Variants in CSMD2 observed in about 807,000 individuals in gnomAD.
CSMD2 encodes the protein CUB and Sushi multiple domains 2.
In CSMD2, 130 loss-of-function variants were observed where a neutral mutation model predicts 398.5. The observed-to-expected ratio is 0.33, with a 90% CI of 0.28 to 0.38. The LOEUF (loss-of-function observed/expected upper bound fraction) is 0.38, where lower values mean the gene tolerates loss of function less well. Ranked by LOEUF, CSMD2 falls within the 10% of genes least tolerant of loss-of-function variation. The pLI is 1.00. For missense variants in CSMD2, 3,829 were observed against 4,764.9 expected (o/e 0.80, Z 5.78); for synonymous variants, 1,828 against 1,908.5 (o/e 0.96, Z 1.10).
chr1:33,897,179 A>C (rs1642447603), intron 5 of CSMD2, among the ~76,000 whole-genome samples: 1 of 152,192 alleles, frequency 6.6e-6, no homozygotes, highest in South Asian at 2.1e-4. Flanking sequence ...GGTGAGGAAC[A>C]CCACATGAAG....
intron 6 of CSMD2, among the ~76,000 whole-genome samples, chr1:33,836,830 C>T (rs987646936): frequency 1.3e-5 from 2 of 152,224 alleles, no homozygotes; most frequent in African/African-American, 2.4e-5. Context: ...CCATGCCTCG[C>T]CCTGCTTCGG....
Position 33,515,030 on chromosome 1 carries a change from T to A in CSMD2, c.*1594A>T, listed in dbSNP as rs754167578. On this transcript the variant is annotated 3_prime_UTR_variant, in exon 71 of 71. Transcript: ENST00000373381. ...CAGCATGTCACACGTATACAGGGGCTTAAGCTTGTGGGGGCCTTCCCGAGG... is the reference window on the plus strand; with the variant it reads ...CAGCATGTCACACGTATACAGGGGCATAAGCTTGTGGGGGCCTTCCCGAGG... 5 of 152,248 alleles carry A rather than the reference T, an allele frequency of 3.3e-5. No individual in the cohort carries two copies. Among genetic ancestry groups the A allele is most frequent in the Admixed American group, 6.5e-5 (1 of 15,278 alleles). The allele number at this position is 152,248 out of a possible 1,614,324, so 9.4% of individuals were successfully genotyped here. A position where few individuals can be genotyped will look rare whatever the true frequency, so the allele number is the denominator to read the frequency against.
intron 1 of CSMD2, among the ~76,000 whole-genome samples, chr1:34,103,493 T>A (rs750773424): frequency 2.1e-4 from 32 of 151,810 alleles, no homozygotes; most frequent in Non-Finnish European, 3.8e-4. Flanking sequence ...AGAGACGGGG[T>A]TTCACCGTGT....
chr1:33,581,501 G>A (rs1638711844), intron 47 of CSMD2, among the ~76,000 whole-genome samples: 1 of 122,968 alleles, frequency 8.1e-6, no homozygotes, highest in African/African-American at 3.2e-5. Flanking sequence ...CTGTGCTCCA[G>A]CCTGGGTGAC....
chr1:34,116,409 T>C (rs1661600830), intron 1 of CSMD2, among the ~76,000 whole-genome samples: 1 of 151,898 alleles, frequency 6.6e-6, no homozygotes, highest in South Asian at 2.1e-4. Context: ...GAAGACATTG[T>C]ATAATGAAAA....
chr1:33,653,887 G>C (rs373149556), intron 27 of CSMD2, among the ~76,000 whole-genome samples: 9 of 152,272 alleles, frequency 5.9e-5, no homozygotes, highest in African/African-American at 1.4e-4. Flanking sequence ...GAGTCTTTGT[G>C]GGGGGAGCAA....
At chr1:33,611,013 A>G in intron 41 of CSMD2, 28 bp downstream of exon 41, 1 of 1,602,272 alleles carries the variant, frequency 6.2e-7, no homozygotes, top group Non-Finnish European at 8.5e-7. Flanking sequence ...ATAGACAGAG[A>G]AGCAAAGGCG....
chr1:33,810,915 C>T (rs1232364675), intron 9 of CSMD2, 51 bp from the exon 10 acceptor site: 2 of 1,594,022 alleles, frequency 1.3e-6, no homozygotes, highest in Non-Finnish European at 1.7e-6. Context: ...GGTCCAGTTC[C>T]CCTTCTTGCC....
intron 25 of CSMD2, among the ~76,000 whole-genome samples, chr1:33,692,269 T>C (rs922766903): frequency 2.0e-5 from 3 of 152,226 alleles, no homozygotes; most frequent in African/African-American, 7.2e-5. Context: ...TTTGATGGCA[T>C]ACCTATTTTG....
intron 2 of CSMD2, among the ~76,000 whole-genome samples, chr1:34,068,783 C>T (rs1655397111): frequency 6.6e-6 from 1 of 152,106 alleles, no homozygotes; most frequent in Non-Finnish European, 1.5e-5. Context: ...AGGTCTTTCC[C>T]CTGCTGTTCT....
chr1:33,735,464 A>G (rs1646856079), intron 15 of CSMD2, among the ~76,000 whole-genome samples: 1 of 152,150 alleles, frequency 6.6e-6, no homozygotes, highest in African/African-American at 2.4e-5. Context: ...TTTCTTGGGA[A>G]ATTTCTGATT....
chr1:33,554,013 G>A (rs905747860), intron 55 of CSMD2, among the ~76,000 whole-genome samples: 6 of 151,972 alleles, frequency 3.9e-5, no homozygotes, highest in African/African-American at 1.5e-4. Flanking sequence ...CAAGCAAGCA[G>A]AGGTTGGCTT....
chr1:33,990,116 C>CA (rs573472941), intron 3 of CSMD2, among the ~76,000 whole-genome samples: 119 of 151,742 alleles, frequency 7.8e-4, no homozygotes, highest in African/African-American at 2.8e-3. Flanking sequence ...ACTACAAATA[C>CA]AAAAAATTAG....
chr1:33,989,983 T>C (rs10914831), intron 3 of CSMD2, among the ~76,000 whole-genome samples: 14,622 of 152,154 alleles, frequency 0.096, 1,291 homozygotes, highest in East Asian at 0.42. Flanking sequence ...GTGTATTTTA[T>C]TGTATATTAA....
intron 25 of CSMD2, among the ~76,000 whole-genome samples, chr1:33,679,374 G>T (rs1294126483): frequency 2.0e-5 from 3 of 151,922 alleles, no homozygotes; most frequent in East Asian, 3.9e-4. Context: ...GCTAATTTTT[G>T]TATTTATAGT....
chr1:33,517,864 T>C (rs2148513317), intron 70 of CSMD2, among the ~76,000 whole-genome samples: 1 of 152,338 alleles, frequency 6.6e-6, no homozygotes, highest in African/African-American at 2.4e-5. Context: ...GGCTGGGCAG[T>C]GATAATGACA....
At chr1:33,597,243 C>A (rs368993613) in intron 44 of CSMD2, among the ~76,000 whole-genome samples, 56 of 152,196 alleles carry the variant, frequency 3.7e-4, no homozygotes, top group African/African-American at 1.3e-3. Context: ...CTCCCTTCCA[C>A]TGTCCACTTT....
intron 28 of CSMD2, among the ~76,000 whole-genome samples, chr1:33,650,039 A>G (rs752148203): frequency 3.9e-5 from 6 of 152,142 alleles, no homozygotes; most frequent in Non-Finnish European, 7.3e-5. Flanking sequence ...GCTTCTTGAC[A>G]TCTGCTCTTT....
intron 4 of CSMD2, among the ~76,000 whole-genome samples, chr1:33,934,309 T>C (rs1336432206): frequency 6.6e-6 from 1 of 152,176 alleles, no homozygotes; most frequent in Non-Finnish European, 1.5e-5. Context: ...GAGTGGTCAA[T>C]AGTGCAAAGG....
Sources: gnomAD v4.1 joint callset for allele counts (sites outside exome capture counted in the v4.1 genomes callset) on GRCh38, gnomAD v4.1.1 for gene constraint, MANE v1.5 for transcripts, NCBI Gene and HGNC (gene_info 2026-07-23, HGNC 2026-07-21) for gene names.